The following ST6GALNAC3 variants were observed in gnomAD, a reference collection of about 807,000 sequenced individuals.
The protein encoded by ST6GALNAC3 is ST6 N-acetylgalactosaminide alpha-2,6-sialyltransferase 3, also known as alpha-N-acetylgalactosaminide alpha-2,6-sialyltransferase 3.
A neutral mutation model predicts 32.7 loss-of-function variants in ST6GALNAC3; 25 were observed. That is an observed-to-expected ratio of 0.76 (90% CI 0.56 to 1.07). The LOEUF (loss-of-function observed/expected upper bound fraction) is 1.07. Among genes scored for constraint, ST6GALNAC3 ranks in the 50% least tolerant of loss-of-function variants. The pLI is 0.00. For missense variants in ST6GALNAC3, 355 were observed against 382.4 expected (o/e 0.93, Z 0.60); for synonymous variants, 129 against 133.1 (o/e 0.97, Z 0.21).
chr1:76,149,555 T>A (rs1201974996), intron 1 of ST6GALNAC3, among the ~76,000 whole-genome samples: 1 of 152,226 alleles, frequency 6.6e-6, no homozygotes, highest in Non-Finnish European at 1.5e-5. Flanking sequence ...ATGAAATGAT[T>A]ACCACAATCA....
Position 76,313,885 on chromosome 1 carries a change from C to G in ST6GALNAC3, c.99C>G (p.Phe33Leu). The part of the protein sequence containing the change: ...LVVRLVNEVN[F>L]PLLLNCFGQP... ...TGCGTCTTGTAAATGAAGTGAATTT[C>G]CCATTGCTACTAAACTGCTTTGGAC... is the stretch of plus-strand genomic sequence containing the variant. The change falls in exon 2 of 5, where the codon TTC becomes TTG. Residue 33 changes from phenylalanine (F) to leucine (L), a missense_variant. Phe to Leu is a conservative substitution (Grantham distance 22, BLOSUM62 0). Transcript: ENST00000328299. 6.2e-7 allele frequency: 1 copy of G among 1,613,578 alleles called. No homozygotes were observed. The highest frequency in any genetic ancestry group is 8.5e-7 in the Non-Finnish European group (1 of 1,179,728).
chr1:76,205,236 TC>T (rs1654754908), intron 1 of ST6GALNAC3, among the ~76,000 whole-genome samples: 2 of 151,862 alleles, frequency 1.3e-5, no homozygotes, highest in Middle Eastern at 3.2e-3. Flanking sequence ...TCAGTGATTT[TC>T]TCCCTGAGTG....
intron 1 of ST6GALNAC3, among the ~76,000 whole-genome samples, chr1:76,131,259 T>C (rs893574734): frequency 6.6e-6 from 1 of 152,206 alleles, no homozygotes; most frequent in East Asian, 1.9e-4. Context: ...GTCCTCGCAT[T>C]GGTGATCGAG....
intron 1 of ST6GALNAC3, among the ~76,000 whole-genome samples, chr1:76,253,724 T>G (rs958585071): frequency 4.6e-5 from 7 of 152,176 alleles, no homozygotes; most frequent in Non-Finnish European, 2.9e-5. Flanking sequence ...CTTAAAATAC[T>G]GTAAGGCAGG....
rs111456871 is a variant in ST6GALNAC3 at position 76,621,920 on chromosome 1, G to A, written c.624-5532G>A. Among the ~76,000 whole-genome samples the A allele has an allele frequency of 2.5e-3, 387 of 152,126 alleles. 2 individuals carry two copies. The highest frequency in any genetic ancestry group is 8.7e-3 in the African/African-American group (362 of 41,520). On this transcript the variant is annotated intron_variant, in intron 3 of 4. Coordinates refer to ENST00000328299, the MANE Select transcript of ST6GALNAC3 (RefSeq NM_152996.4). The stretch of plus-strand genomic sequence containing the variant: ...CTGAGGTCCAATAGTGTTAAAACAA[G>A]ACATGAAATATTGATTAATTCTTCT...
In ST6GALNAC3 at chr1:76,433,595, C is replaced by T. The variant is rs112284539; in HGVS notation, c.623+21178C>T. ...GTCTTGCCTCTAGCTCTCCATGAAA[C>T]CTTTTTCTTATCTGTCTTCACCACC... On this transcript the variant is annotated intron_variant, in intron 3 of 4. Transcript: ENST00000328299. Among the ~76,000 whole-genome samples the T allele has an allele frequency of 7.0e-4, 106 of 152,258 alleles. 1 individual carries two copies. Among genetic ancestry groups the T allele is most frequent in the African/African-American group, 2.5e-3 (105 of 41,558 alleles).
chr1:76,528,552 G>C (rs966316957), intron 3 of ST6GALNAC3, among the ~76,000 whole-genome samples: 1 of 152,064 alleles, frequency 6.6e-6, no homozygotes, highest in South Asian at 2.1e-4. Flanking sequence ...GTCGACTCTT[G>C]TTGGATATGA....
intron 2 of ST6GALNAC3, among the ~76,000 whole-genome samples, chr1:76,357,286 C>A (rs1374350071): frequency 6.6e-6 from 1 of 151,990 alleles, no homozygotes; most frequent in Non-Finnish European, 1.5e-5. Context: ...AGGCATACAC[C>A]ACCATGCCCA....
intron 1 of ST6GALNAC3, among the ~76,000 whole-genome samples, chr1:76,187,580 G>A (rs532013792): frequency 5.9e-5 from 9 of 152,278 alleles, no homozygotes; most frequent in African/African-American, 2.2e-4. Context: ...TACTCCAAAG[G>A]AACTCTGGAG....
At chr1:76,575,173 A>G (rs1456302299) in intron 3 of ST6GALNAC3, among the ~76,000 whole-genome samples, 1 of 152,120 alleles carries the variant, frequency 6.6e-6, no homozygotes, top group African/African-American at 2.4e-5. Context: ...AGGAAATGGA[A>G]ATCCATTTTA....
chr1:76,497,598 G>T (rs924128296), intron 3 of ST6GALNAC3, among the ~76,000 whole-genome samples: 3 of 152,120 alleles, frequency 2.0e-5, no homozygotes, highest in African/African-American at 2.4e-5. Context: ...TATTGAGTTC[G>T]TGTTCTCCTC....
chr1:76,552,142 G>C (rs978434272), intron 3 of ST6GALNAC3, among the ~76,000 whole-genome samples: 1 of 152,142 alleles, frequency 6.6e-6, no homozygotes, highest in African/African-American at 2.4e-5. Flanking sequence ...GTATGTGTGG[G>C]ACCCAATGTG....
chr1:76,399,096 G>T (rs927578423), intron 2 of ST6GALNAC3, among the ~76,000 whole-genome samples: 2 of 151,894 alleles, frequency 1.3e-5, no homozygotes, highest in Non-Finnish European at 2.9e-5. Flanking sequence ...ATAGGAATTT[G>T]TTATGTATTT....
intron 1 of ST6GALNAC3, among the ~76,000 whole-genome samples, chr1:76,107,256 T>G (rs181393897): frequency 6.6e-6 from 1 of 152,214 alleles, no homozygotes; most frequent in Non-Finnish European, 1.5e-5. Context: ...TATTGCATAT[T>G]AAGTATTAAT....
intron 3 of ST6GALNAC3, among the ~76,000 whole-genome samples, chr1:76,444,769 C>T (rs572752763): frequency 6.6e-6 from 1 of 152,130 alleles, no homozygotes; most frequent in Non-Finnish European, 1.5e-5. Context: ...ACCCTCTCTG[C>T]TCTCTTGTAG....
intron 2 of ST6GALNAC3, among the ~76,000 whole-genome samples, chr1:76,326,295 C>T (rs1164938829): frequency 6.6e-6 from 1 of 152,100 alleles, no homozygotes; most frequent in Non-Finnish European, 1.5e-5. Context: ...CTGTTAACAT[C>T]CCATTGATCA....
intron 3 of ST6GALNAC3, among the ~76,000 whole-genome samples, chr1:76,455,881 T>C (rs1031691264): frequency 7.9e-5 from 12 of 152,184 alleles, no homozygotes; most frequent in African/African-American, 2.9e-4. Flanking sequence ...ATTGAAAGAA[T>C]TATTTATGTA....
chr1:76,494,429 GTATATATATATATATATATATA>G lies in ST6GALNAC3; in HGVS notation c.623+82031_623+82052del, dbSNP rs60378565. On this transcript the variant is annotated intron_variant, in intron 3 of 4. Coordinates refer to ENST00000328299, the MANE Select transcript of ST6GALNAC3 (RefSeq NM_152996.4). ...TAGGACTAATAGGATGTGTGCATGT[GTATATATATATATATATATATA>G]TATATATATATATATATACACACAC... 3.9e-4 allele frequency among the ~76,000 whole-genome samples: 21 copies of G among 53,416 alleles called. 1 individual carries two copies. Among genetic ancestry groups the G allele is most frequent in the Admixed American group, 5.8e-4 (2 of 3,450 alleles). The allele number at this position is 53,416 out of a possible 152,430, so 35.0% of individuals were successfully genotyped here.
At chr1:76,227,121 A>G (rs1459458758) in intron 1 of ST6GALNAC3, among the ~76,000 whole-genome samples, 1 of 152,198 alleles carries the variant, frequency 6.6e-6, no homozygotes, top group African/African-American at 2.4e-5. Context: ...GTACAAATGG[A>G]CAGGTAAATC....
Sources: gnomAD v4.1 joint callset for allele counts (sites outside exome capture counted in the v4.1 genomes callset) on GRCh38, gnomAD v4.1.1 for gene constraint, MANE v1.5 for transcripts, NCBI Gene and HGNC (gene_info 2026-07-23, HGNC 2026-07-21) for gene names.